The following PLXNA4 variants were observed in gnomAD, a reference collection of about 807,000 sequenced individuals.
PLXNA4 encodes plexin-A4.
Under a neutral mutation model 191.8 loss-of-function variants are expected in PLXNA4, and 44 were observed. The observed-to-expected ratio is 0.23, with a 90% CI of 0.18 to 0.29. The LOEUF is 0.29. Among genes scored for constraint, PLXNA4 ranks in the 10% least tolerant of loss-of-function variants. The pLI is 1.00. For missense variants in PLXNA4, 1,800 were observed against 2,488.8 expected (o/e 0.72, Z 5.89); for synonymous variants, 1,082 against 1,009.5 (o/e 1.07, Z -1.36).
chr7:132,262,121 A>T (rs1799667883), intron 4 of PLXNA4, among the ~76,000 whole-genome samples: 1 of 152,100 alleles, frequency 6.6e-6, no homozygotes, highest in African/African-American at 2.4e-5. Flanking sequence ...TCCCTTCTTG[A>T]ACTTGACCCA....
At chr7:132,577,003 CCGCGG>C (rs1802273710), upstream of PLXNA4, 2 of 145,616 alleles carry the variant, frequency 1.4e-5, no homozygotes, top group African/African-American at 2.5e-5. Flanking sequence ...GCCGGCCGCG[CCGCGG>C]CAGCCCCCAC....
intron 1 of PLXNA4, among the ~76,000 whole-genome samples, chr7:132,512,637 G>C (rs1401593238): frequency 6.6e-6 from 1 of 152,146 alleles, no homozygotes; most frequent in Non-Finnish European, 1.5e-5. Context: ...CCTCACCAAA[G>C]ACCCCACCAG....
At chr7:132,487,360 CA>C (rs1797603492) in intron 3 of PLXNA4, among the ~76,000 whole-genome samples, 1 of 152,184 alleles carries the variant, frequency 6.6e-6, no homozygotes, top group Middle Eastern at 3.2e-3. Context: ...AAGCATCCCC[CA>C]TACTGCTTGC....
intron 1 of PLXNA4, among the ~76,000 whole-genome samples, chr7:132,563,251 C>T (rs1167263497): frequency 1.1e-4 from 13 of 121,070 alleles, no homozygotes; most frequent in Non-Finnish European, 1.8e-4. Flanking sequence ...CCTCCTTCTC[C>T]TACTCCTTCT....
intron 1 of PLXNA4, among the ~76,000 whole-genome samples, chr7:132,547,111 G>A (rs1800343609): frequency 6.6e-6 from 1 of 152,188 alleles, no homozygotes; most frequent in Non-Finnish European, 1.5e-5. Flanking sequence ...AGTTCACAGA[G>A]AGAATTTAAA....
chr7:132,317,462 G>A (rs1201929636), intron 3 of PLXNA4, among the ~76,000 whole-genome samples: 1 of 151,696 alleles, frequency 6.6e-6, no homozygotes, highest in Admixed American at 6.6e-5. Flanking sequence ...ATTGAGTTGA[G>A]TTGGATTGGG....
chr7:132,436,474 G>A lies in PLXNA4; in HGVS notation c.1371+52818C>T, dbSNP rs557917882. On this transcript the variant is annotated intron_variant, in intron 3 of 31. Coordinates refer to ENST00000321063, the MANE Select transcript of PLXNA4 (RefSeq NM_020911.2). ...ATGAGCAATGAGACAGGGCCAGCCA[G>A]CTTAGGAATTCCCTTCCTCCACCTG... Among the ~76,000 whole-genome samples, 4 of 152,340 alleles carry A rather than the reference G, an allele frequency of 2.6e-5. No homozygotes were observed. The East Asian group carries it at 7.7e-4, about 29-fold the overall frequency.
intron 3 of PLXNA4, among the ~76,000 whole-genome samples, chr7:132,464,820 C>T (rs1796639288): frequency 6.6e-6 from 1 of 152,194 alleles, no homozygotes; most frequent in Non-Finnish European, 1.5e-5. Context: ...ACCTACCCTT[C>T]AAGGACCAGC....
rs768697246 is a variant in PLXNA4 at position 132,179,742 on chromosome 7, C to T, written c.3819G>A (p.Arg1273=). 10 of 1,614,068 alleles carry T rather than the reference C, an allele frequency of 6.2e-6. No homozygotes were observed. The highest frequency in any genetic ancestry group is 7.6e-6 in the Non-Finnish European group (9 of 1,180,018). The change falls in exon 20 of 32, where the codon CGG becomes CGA. Residue 1273 remains arginine, a synonymous_variant. Coordinates refer to ENST00000321063, the MANE Select transcript of PLXNA4 (RefSeq NM_020911.2). ...CCAGGTTGTCCATCTGCATCTGCAG[C>T]CGCTTCAGCGTGAGGTCACTTTCGC... ...KSRESDLTLK[R]LQMQMDNLES...
At position 132,558,287 on chromosome 7, in the gene PLXNA4, T is replaced by C. The variant is rs566528738; in HGVS notation, c.-87+18135A>G. Among the ~76,000 whole-genome samples the C allele has an allele frequency of 1.1e-4, 16 of 152,348 alleles. No individual in the cohort carries two copies. In the East Asian group the frequency reaches 2.3e-3, roughly 22 times the overall value. ...AAAATGCCATTCTTTCAAAACAGTA[T>C]GTGCTGGAGAAATGACATTTTTTCA... On this transcript the variant is annotated intron_variant, in intron 1 of 31. Coordinates refer to ENST00000321063, the MANE Select transcript of PLXNA4 (RefSeq NM_020911.2).
At chr7:132,608,834 T>C (rs1192520267) in intron 2 of PLXNA4, among the ~76,000 whole-genome samples, 1 of 152,084 alleles carries the variant, frequency 6.6e-6, no homozygotes, top group African/African-American at 2.4e-5. Context: ...CTAAAAACTC[T>C]CCTTGTCTCA....
chr7:132,589,825 C>T (rs970139202), intron 2 of PLXNA4, among the ~76,000 whole-genome samples: 2 of 152,238 alleles, frequency 1.3e-5, no homozygotes, highest in African/African-American at 2.4e-5. Flanking sequence ...AGATACACTG[C>T]TAGGAACAAC....
At chr7:132,372,319 T>C (rs1457475264) in intron 3 of PLXNA4, among the ~76,000 whole-genome samples, 1 of 152,236 alleles carries the variant, frequency 6.6e-6, no homozygotes, top group African/African-American at 2.4e-5. Context: ...ATGTTTACAT[T>C]TTCCCAGAAT....
intron 3 of PLXNA4, among the ~76,000 whole-genome samples, chr7:132,442,248 C>T (rs1330724784): frequency 1.3e-5 from 2 of 152,138 alleles, no homozygotes; most frequent in African/African-American, 4.8e-5. Flanking sequence ...TGTCACTAGC[C>T]TGGATTCTTG....
At chr7:132,632,235 CAAAAAAAAAAA>C (rs398006359) in intron 2 of PLXNA4, among the ~76,000 whole-genome samples, 8 of 78,664 alleles carry the variant, frequency 1.0e-4, no homozygotes, top group Admixed American at 1.5e-4. Flanking sequence ...GACTCCATCT[CAAAAAAAAAAA>C]AAAAAAAAAA....
chr7:132,530,165 C>A (rs986606994), intron 1 of PLXNA4, among the ~76,000 whole-genome samples: 2 of 152,066 alleles, frequency 1.3e-5, no homozygotes, highest in African/African-American at 4.8e-5. Flanking sequence ...TCACCAAGGG[C>A]CATGAGGAAA....
intron 3 of PLXNA4, among the ~76,000 whole-genome samples, chr7:132,408,138 T>A (rs1794299597): frequency 6.6e-6 from 1 of 152,100 alleles, no homozygotes; most frequent in Non-Finnish European, 1.5e-5. Flanking sequence ...GGAGAGTGGG[T>A]AAGTAAACTA....
Position 132,179,939 on chromosome 7 carries a change from A to G in PLXNA4, c.3640-18T>C. The G allele has an allele frequency of 6.3e-7, 1 of 1,591,344 alleles. No individual in the cohort carries two copies. The highest frequency in any genetic ancestry group is 8.6e-7 in the Non-Finnish European group (1 of 1,165,858). On this transcript the variant is annotated intron_variant, in intron 19 of 31. Coordinates refer to ENST00000321063, the MANE Select transcript of PLXNA4 (RefSeq NM_020911.2). ...ACACGGGCCTGGGGGCACACAGGGC[A>G]AGAGGGAGCTGGGTGTGGGGACGCA...
At chr7:132,434,891 T>G (rs1011664095) in intron 3 of PLXNA4, among the ~76,000 whole-genome samples, 3 of 152,148 alleles carry the variant, frequency 2.0e-5, no homozygotes, top group Non-Finnish European at 4.4e-5. Flanking sequence ...CCCACTCTAA[T>G]TTTTCACCCA....
Sources: allele counts gnomAD v4.1 joint callset (sites outside exome capture counted in the v4.1 genomes callset), GRCh38; gene constraint gnomAD v4.1.1; transcripts MANE v1.5; gene names NCBI Gene and HGNC (gene_info 2026-07-23, HGNC 2026-07-21).